Variants in KHDRBS2 observed in about 807,000 individuals in gnomAD.
KHDRBS2 encodes KH domain-containing, RNA-binding, signal transduction-associated protein 2.
Under a neutral mutation model 44.3 loss-of-function variants are expected in KHDRBS2, and 26 were observed. The ratio of observed to expected loss-of-function variants is 0.59; its 90% CI spans 0.43 to 0.81. The LOEUF (loss-of-function observed/expected upper bound fraction) is 0.81. Among genes scored for constraint, KHDRBS2 ranks in the 40% least tolerant of loss-of-function variants. The pLI is 0.00. For missense variants in KHDRBS2, 476 were observed against 433.1 expected, an observed-to-expected ratio of 1.10 and a Z score of -0.88; for synonymous variants, 194 against 151.1, an observed-to-expected ratio of 1.28 and a Z score of -2.08.
At chr6:62,160,183 T>C (rs1318268927) in intron 2 of KHDRBS2, among the ~76,000 whole-genome samples, 1 of 152,052 alleles carries the variant, frequency 6.6e-6, no homozygotes, top group East Asian at 1.9e-4. Context: ...AACTTTACAT[T>C]CTGACATGAA....
chr6:61,673,190 T>A, the KHDRBS2 span, among the ~76,000 whole-genome samples: 1 of 152,100 alleles, frequency 6.6e-6, no homozygotes, highest in Admixed American at 6.6e-5. Flanking sequence ...GGCTCTGTTC[T>A]GTTCTATTGA....
At chr6:61,683,116 T>C (rs1766477047) in intron 8 of KHDRBS2, among the ~76,000 whole-genome samples, 1 of 151,860 alleles carries the variant, frequency 6.6e-6, no homozygotes, top group African/African-American at 2.4e-5. Context: ...AGGCTTCAAG[T>C]TTTCCCAGGA....
intron 4 of KHDRBS2, among the ~76,000 whole-genome samples, chr6:61,953,000 T>A (rs1302694027): frequency 1.3e-5 from 2 of 152,144 alleles, no homozygotes; most frequent in East Asian, 1.9e-4. Context: ...TTTGTTATAT[T>A]TGTAAACATT....
At chr6:61,852,322 T>C (rs1280705649) in intron 6 of KHDRBS2, among the ~76,000 whole-genome samples, 3 of 151,874 alleles carry the variant, frequency 2.0e-5, no homozygotes, top group African/African-American at 7.3e-5. Context: ...TCCCAGCACA[T>C]TGGGAAGCCA....
chr6:61,864,912 T>A (rs1797560375), intron 6 of KHDRBS2, among the ~76,000 whole-genome samples: 1 of 152,216 alleles, frequency 6.6e-6, no homozygotes, highest in African/African-American at 2.4e-5. Context: ...GGTACACCAA[T>A]CAGTTGTAGA....
intron 6 of KHDRBS2, among the ~76,000 whole-genome samples, chr6:61,885,856 C>A (rs2127322513): frequency 6.6e-6 from 1 of 152,202 alleles, no homozygotes; most frequent in East Asian, 1.9e-4. Flanking sequence ...ACTGTCCACC[C>A]CTCCCCACTA....
At chr6:61,961,898 C>T (rs557908659) in intron 4 of KHDRBS2, among the ~76,000 whole-genome samples, 9 of 152,072 alleles carry the variant, frequency 5.9e-5, no homozygotes, top group South Asian at 4.1e-4. Context: ...ACAGTTTAAA[C>T]GGGATCATTC....
At chr6:62,209,271 C>T (rs992698667) in intron 1 of KHDRBS2, among the ~76,000 whole-genome samples, 3 of 152,180 alleles carry the variant, frequency 2.0e-5, no homozygotes, top group Non-Finnish European at 4.4e-5. Context: ...TCCCCTACCA[C>T]TCCTCTTTTG....
chr6:61,783,498 G>A (rs1470582535), intron 6 of KHDRBS2, among the ~76,000 whole-genome samples: 2 of 152,138 alleles, frequency 1.3e-5, no homozygotes, highest in African/African-American at 4.8e-5. Context: ...ACTGAAGAAA[G>A]AAAATACATA....
At chr6:61,687,451 T>C (rs1766941214) in intron 8 of KHDRBS2, among the ~76,000 whole-genome samples, 1 of 151,782 alleles carries the variant, frequency 6.6e-6, no homozygotes, top group African/African-American at 2.4e-5. Context: ...ATTTACTCAA[T>C]AAATTAATTA....
intron 1 of KHDRBS2, among the ~76,000 whole-genome samples, chr6:62,239,514 C>T (rs564614683): frequency 6.7e-4 from 102 of 151,790 alleles, no homozygotes; most frequent in Non-Finnish European, 1.1e-3. Flanking sequence ...CGGACGTTGC[C>T]GTGAGCCAAG....
At chr6:61,749,673 C>G (rs1435228335) in intron 6 of KHDRBS2, among the ~76,000 whole-genome samples, 2 of 152,202 alleles carry the variant, frequency 1.3e-5, no homozygotes, top group East Asian at 1.9e-4. Flanking sequence ...TGATTCACTT[C>G]TTTGGTAACA....
chr6:62,098,745 T>C (rs565263448), intron 2 of KHDRBS2, among the ~76,000 whole-genome samples: 2 of 152,300 alleles, frequency 1.3e-5, no homozygotes, highest in African/African-American at 2.4e-5. Context: ...CCCTTTGACA[T>C]TCTCAAATCC....
chr6:62,070,754 G>T (rs1463391113), intron 2 of KHDRBS2, among the ~76,000 whole-genome samples: 1 of 152,138 alleles, frequency 6.6e-6, no homozygotes, highest in African/African-American at 2.4e-5. Flanking sequence ...GGACATTTGG[G>T]TTGGTTCCAA....
chr6:61,863,679 G>T (rs146005798), intron 6 of KHDRBS2, among the ~76,000 whole-genome samples: 17 of 152,236 alleles, frequency 1.1e-4, no homozygotes, highest in Non-Finnish European at 2.4e-4. Context: ...TTCTGCATTT[G>T]CTGGGGAGTG....
At chr6:62,037,188 A>C (rs190138304) in intron 3 of KHDRBS2, among the ~76,000 whole-genome samples, 43 of 152,010 alleles carry the variant, frequency 2.8e-4, no homozygotes, top group Middle Eastern at 3.4e-3. Context: ...TGAAACCTAA[A>C]ATTTATAGAA....
At chr6:61,813,410 A>C (rs976764825) in intron 6 of KHDRBS2, among the ~76,000 whole-genome samples, 3 of 152,196 alleles carry the variant, frequency 2.0e-5, no homozygotes, top group African/African-American at 7.2e-5. Context: ...CAAGGAGACC[A>C]CATCACCAGG....
intron 4 of KHDRBS2, among the ~76,000 whole-genome samples, chr6:61,917,374 C>G (rs1415132384): frequency 6.6e-6 from 1 of 151,808 alleles, no homozygotes; most frequent in Non-Finnish European, 1.5e-5. Flanking sequence ...ATGTATATAT[C>G]AAGTGAAAGA....
At chr6:62,114,409 T>A (rs1805726031) in intron 2 of KHDRBS2, among the ~76,000 whole-genome samples, 1 of 151,806 alleles carries the variant, frequency 6.6e-6, no homozygotes, top group Non-Finnish European at 1.5e-5. Flanking sequence ...AATGTAAGAG[T>A]TTTGTGACAT....
Sources: gnomAD v4.1 joint callset for allele counts (sites outside exome capture counted in the v4.1 genomes callset) on GRCh38, gnomAD v4.1.1 for gene constraint, MANE v1.5 for transcripts, NCBI Gene and HGNC (gene_info 2026-07-23, HGNC 2026-07-21) for gene names.